TTC13: variants seen among roughly 807,000 people sequenced by gnomAD.
The protein encoded by TTC13 is tetratricopeptide repeat protein 13.
TTC13 carries 62 observed loss-of-function variants against 120.0 expected under a neutral mutation model. That is an observed-to-expected ratio of 0.52 (90% CI 0.42 to 0.64). The LOEUF (loss-of-function observed/expected upper bound fraction) is 0.64, where lower values mean the gene tolerates loss of function less well. Ranked by LOEUF, TTC13 falls within the 30% of genes least tolerant of loss-of-function variation. The pLI is 0.00. For synonymous variants in TTC13, 384 were observed against 393.5 expected, an observed-to-expected ratio of 0.98 and a Z score of 0.28; for missense variants, 824 against 1,050.2, an observed-to-expected ratio of 0.78 and a Z score of 2.98.
Position 230,933,802 on chromosome 1 carries a change from A to G in TTC13, c.960T>C (p.Tyr320=). The change falls in exon 9 of 23, where the codon TAT becomes TAC. Residue 320 remains tyrosine, a synonymous_variant. Transcript: ENST00000366661. ...ACCTATATGCCTGCCCTAGACTTTT[A>G]TATGCATCAATAAAGTCAACTTTCT... ...LKQKVDFIDA[Y]KSLGQAYREL... is the part of the protein sequence containing the mutation. The G allele has an allele frequency of 6.2e-7, 1 of 1,608,526 alleles. No individual in the cohort carries two copies. The highest frequency in any genetic ancestry group is 1.1e-5 in the South Asian group (1 of 90,276).
chr1:230,909,056 G>A (rs1224251263), intron 20 of TTC13, 36 bp from the exon 21 acceptor site: 10 of 1,577,030 alleles, frequency 6.3e-6, no homozygotes, highest in Middle Eastern at 3.3e-4. Flanking sequence ...ATCCATCCTG[G>A]ACGGTCTACA....
chr1:230,949,882 C>G (rs1675404183), intron 4 of TTC13, among the ~76,000 whole-genome samples: 1 of 152,144 alleles, frequency 6.6e-6, no homozygotes, highest in African/African-American at 2.4e-5. Context: ...ATCTCCTGAC[C>G]TCGTGATCCG....
chr1:230,963,920 A>G lies in TTC13; in HGVS notation c.272-2617T>C, dbSNP rs540063310. ...AACGAAAGGCTTTAGTCCCACAAAA[A>G]TGAAGATAGTAATGGTTCCTGGCAG... is the stretch of plus-strand genomic sequence containing the variant. On this transcript the variant is annotated intron_variant, in intron 1 of 22. Coordinates refer to ENST00000366661, the MANE Select transcript of TTC13 (RefSeq NM_024525.5). Among the ~76,000 whole-genome samples, 3 of 152,326 alleles carry G rather than the reference A, an allele frequency of 2.0e-5. No homozygotes were observed. The East Asian group carries it at 5.8e-4, about 29-fold the overall frequency.
chr1:230,973,726 G>C (rs903394560), intron 1 of TTC13, among the ~76,000 whole-genome samples: 1 of 152,176 alleles, frequency 6.6e-6, no homozygotes, highest in African/African-American at 2.4e-5. Flanking sequence ...TGTCTGTAAA[G>C]AGTATAAAGA....
rs1377522159 is a variant in TTC13, at chr1:230,943,979, T to A, written c.580-81A>T. On this transcript the variant is annotated intron_variant, in intron 5 of 22. Transcript: ENST00000366661. ...AAAATTTTCTGAGAAAACTAATAAT[T>A]TAGTAATGATGTAACCAATTGTTTA... 3.6e-6 allele frequency: 3 copies of A among 832,570 alleles called. No individual in the cohort carries two copies. In the African/African-American group the frequency reaches 5.2e-5, roughly 14 times the overall value. 51.6% of individuals were successfully genotyped at this position (832,570 alleles called of 1,614,324 possible). A position where few individuals can be genotyped will look rare whatever the true frequency, so the allele number is the denominator to read the frequency against.
intron 3 of TTC13, among the ~76,000 whole-genome samples, chr1:230,955,507 CA>C (rs55902639): frequency 1.3e-3 from 180 of 137,006 alleles, no homozygotes; most frequent in South Asian, 2.1e-3. Context: ...ACTAAATATA[CA>C]AAAAAAAAAA....
intron 1 of TTC13, among the ~76,000 whole-genome samples, chr1:230,967,952 T>C (rs1450829707): frequency 6.6e-6 from 1 of 152,208 alleles, no homozygotes; most frequent in Non-Finnish European, 1.5e-5. Flanking sequence ...GAATTCTATC[T>C]TGTTCTTCTA....
chr1:230,917,373 A>G (rs954599578), intron 17 of TTC13, among the ~76,000 whole-genome samples: 1 of 152,192 alleles, frequency 6.6e-6, no homozygotes, highest in Non-Finnish European at 1.5e-5. Context: ...TGTGGGCCCA[A>G]GGTCTTGGTG....
intron 4 of TTC13, among the ~76,000 whole-genome samples, chr1:230,946,315 ACT>A (rs1674991967): frequency 6.6e-6 from 1 of 152,204 alleles, no homozygotes; most frequent in Non-Finnish European, 1.5e-5. Flanking sequence ...CCAGAAAGAA[ACT>A]CTGCAAAAAC....
intron 6 of TTC13, among the ~76,000 whole-genome samples, chr1:230,943,410 G>A (rs896369092): frequency 3.9e-5 from 6 of 152,012 alleles, no homozygotes; most frequent in African/African-American, 1.2e-4. Flanking sequence ...CATAAAAAAT[G>A]ATGAGTTCAT....
intron 15 of TTC13, among the ~76,000 whole-genome samples, chr1:230,922,436 C>G (rs140598697): frequency 6.6e-6 from 1 of 152,324 alleles, no homozygotes; most frequent in East Asian, 1.9e-4. Context: ...TCCCAATGTG[C>G]AAATCTGTTC....
chr1:230,931,455 C>T lies in TTC13; in HGVS notation c.1143G>A (p.Glu381=), dbSNP rs765841367. The T allele has an allele frequency of 1.2e-6, 2 of 1,614,102 alleles. No homozygotes were observed. The highest frequency in any genetic ancestry group is 2.2e-5 in the South Asian group (2 of 91,040). The part of the protein sequence containing the change: ...LKNFKRCLQL[E]PYNEVCQYMK... ...TATACTGGCACACTTCATTATATGG[C>T]TCTAGCTGCAGACACCGCTGAGGAC... The change falls in exon 11 of 23, where the codon GAG becomes GAA. Residue 381 remains glutamate, a synonymous_variant. Transcript: ENST00000366661.
At chr1:230,931,277 T>C (rs931535673) in intron 11 of TTC13, 21 bp downstream of exon 11, 20 of 1,609,308 alleles carry the variant, frequency 1.2e-5, no homozygotes, top group Non-Finnish European at 1.7e-5. Flanking sequence ...AATCCAACAA[T>C]TCTGTGATTT....
chr1:230,910,266 C>T (rs1671370087), intron 20 of TTC13, among the ~76,000 whole-genome samples: 1 of 152,112 alleles, frequency 6.6e-6, no homozygotes, highest in Non-Finnish European at 1.5e-5. Flanking sequence ...GCAGAGAAGG[C>T]AGGGAGATGT....
In TTC13 at chr1:230,919,320, G is replaced by A. The variant is rs529516347; in HGVS notation, c.1983+1190C>T. On this transcript the variant is annotated intron_variant, in intron 17 of 22. Transcript: ENST00000366661. ...AGGCTGGGAAGTCTGAGATCAAGGT[G>A]CCAGCGTCTGATGTGAGCCTTCTGA... 3.6e-4 allele frequency among the ~76,000 whole-genome samples: 54 copies of A among 152,108 alleles called. 2 individuals are homozygous for A. The highest frequency in any genetic ancestry group is 1.2e-3 in the African/African-American group (50 of 41,500).
At chr1:230,971,771 T>C (rs1455763816) in intron 1 of TTC13, among the ~76,000 whole-genome samples, 1 of 152,054 alleles carries the variant, frequency 6.6e-6, no homozygotes, top group Non-Finnish European at 1.5e-5. Context: ...ACAGGCACAG[T>C]AGCAAATTAC....
rs1674235581 is a variant in TTC13, at chr1:230,938,123, T to C, written c.900+1263A>G. Among the ~76,000 whole-genome samples, 3 of 152,238 alleles carry C rather than the reference T, an allele frequency of 2.0e-5. 1 individual carries two copies. Among genetic ancestry groups the C allele is most frequent in the African/African-American group, 7.2e-5 (3 of 41,468 alleles). On this transcript the variant is annotated intron_variant, in intron 8 of 22. Transcript: ENST00000366661. ...TTTCAATAATAAAATGTCTGTTCTTTCTGCAGAATACATATCCCTGCCACA... is the reference window on the plus strand; with the variant it reads ...TTTCAATAATAAAATGTCTGTTCTTCCTGCAGAATACATATCCCTGCCACA...
In TTC13 at chr1:230,940,707, G is replaced by A. The variant is rs894567491; in HGVS notation, c.673-151C>T. ...CTTGACCCCCTATATTATGCGGTGG[G>A]GTTCAAAGTCAACCAGCTGAGGTGC... On this transcript the variant is annotated intron_variant, in intron 6 of 22. Transcript: ENST00000366661. The surrounding 1 kb of genome is among the most constrained non-coding windows in gnomAD (Gnocchi z 4.1). 5.3e-6 allele frequency: 3 copies of A among 562,984 alleles called. No individual in the cohort carries two copies. The highest frequency in any genetic ancestry group is 4.1e-5 in the South Asian group (2 of 48,808). The allele number at this position is 562,984 out of a possible 1,614,324, so 34.9% of individuals were successfully genotyped here. A position where few individuals can be genotyped will look rare whatever the true frequency, so the allele number is the denominator to read the frequency against.
intron 12 of TTC13, among the ~76,000 whole-genome samples, chr1:230,928,154 A>G (rs1409548940): frequency 1.3e-5 from 2 of 152,182 alleles, no homozygotes; most frequent in Non-Finnish European, 2.9e-5. Flanking sequence ...CATTTGCTTA[A>G]CAAGTGCCTC....
Sources: gnomAD v4.1 joint callset for allele counts (sites outside exome capture counted in the v4.1 genomes callset) on GRCh38, gnomAD v4.1.1 for gene constraint, Gnocchi (gnomAD v3.1) non-coding constraint, MANE v1.5 for transcripts, NCBI Gene and HGNC (gene_info 2026-07-23, HGNC 2026-07-21) for gene names.